The following MRPL3 variants were observed in gnomAD, a reference collection of about 807,000 sequenced individuals.
MRPL3 encodes the protein large ribosomal subunit protein uL3m.
A neutral mutation model predicts 44.3 loss-of-function variants in MRPL3; 43 were observed. The observed-to-expected ratio is 0.97, with a 90% CI of 0.76 to 1.25. The LOEUF is 1.25. Ranked by LOEUF, MRPL3 falls within the 50% of genes most tolerant of loss-of-function variation. The probability of loss-of-function intolerance (pLI) is 0.00; values close to 1 mark genes in which losing one functional copy is unlikely to be tolerated. For synonymous variants in MRPL3, 171 were observed against 152.3 expected (o/e 1.12, Z -0.91); for missense variants, 406 against 427.6 (o/e 0.95, Z 0.45).
intron 1 of MRPL3, 97 bp from the exon 2 acceptor site, chr3:131,501,812 G>C (rs1458451374): frequency 6.3e-6 from 10 of 1,598,976 alleles, no homozygotes; most frequent in African/African-American, 1.3e-5. Context: ...AGTGTAGTCA[G>C]GGCCTTGGGA....
intron 9 of MRPL3, among the ~76,000 whole-genome samples, chr3:131,467,147 T>A (rs752665095): frequency 2.0e-4 from 31 of 152,246 alleles, no homozygotes; most frequent in Non-Finnish European, 3.4e-4. Flanking sequence ...TTTATCCATG[T>A]CACCACAAAC....
At chr3:131,492,362 T>C (rs1466789519) in intron 4 of MRPL3, among the ~76,000 whole-genome samples, 2 of 152,180 alleles carry the variant, frequency 1.3e-5, no homozygotes, top group Non-Finnish European at 2.9e-5. Flanking sequence ...ATGTCAGCAG[T>C]ACCCAACCTT....
chr3:131,481,819 C>T (rs79144060), intron 6 of MRPL3, among the ~76,000 whole-genome samples: 5,889 of 152,242 alleles, frequency 0.039, 386 homozygotes, highest in African/African-American at 0.13. Context: ...TAAAAACGTA[C>T]TGCTTTGAAT....
At chr3:131,479,600 C>T (rs1223211969) in intron 6 of MRPL3, among the ~76,000 whole-genome samples, 2 of 152,186 alleles carry the variant, frequency 1.3e-5, no homozygotes, top group Admixed American at 6.5e-5. Flanking sequence ...AATCCCAGTA[C>T]TTTGGGAGGC....
intron 9 of MRPL3, among the ~76,000 whole-genome samples, chr3:131,465,427 T>C (rs574699223): frequency 6.6e-6 from 1 of 152,312 alleles, no homozygotes; most frequent in East Asian, 1.9e-4. Context: ...TAATTGACCA[T>C]TCATCTCTGC....
intron 6 of MRPL3, among the ~76,000 whole-genome samples, chr3:131,483,018 G>A (rs1934027121): frequency 7.0e-6 from 1 of 142,472 alleles, no homozygotes; most frequent in African/African-American, 2.6e-5. Flanking sequence ...GTTATAATAA[G>A]CACCACCAGA....
At chr3:131,466,996 C>T (rs1283195352) in intron 9 of MRPL3, among the ~76,000 whole-genome samples, 1 of 152,092 alleles carries the variant, frequency 6.6e-6, no homozygotes, top group Non-Finnish European at 1.5e-5. Flanking sequence ...CTCCTCCCCA[C>T]TATTTTCCCC....
At position 131,468,114 on chromosome 3, in the gene MRPL3, C is replaced by T; in HGVS notation, c.871G>A (p.Gly291Arg). 1 of 1,584,300 alleles carries T rather than the reference C, an allele frequency of 6.3e-7. No individual in the cohort carries two copies. Among genetic ancestry groups the T allele is most frequent in the Non-Finnish European group, 8.6e-7 (1 of 1,168,390 alleles). ...ACCTTTACTAAGCAATTTTTATGTC[C>T]AGGTACAGAGCCATTTACATAGATT... ...NIIYVNGSVP[G>R]HKNCLVKVKD... is the part of the protein sequence containing the mutation. The change falls in exon 9 of 10, where the codon GGA (glycine) becomes AGA (arginine). Residue 291 changes from glycine to arginine, a missense_variant. Physicochemically the swap from Gly to Arg is moderately radical, Grantham distance 125 (BLOSUM62 -2). Transcript: ENST00000264995.
chr3:131,468,877 T>C (rs868646606), intron 8 of MRPL3, among the ~76,000 whole-genome samples: 1 of 152,060 alleles, frequency 6.6e-6, no homozygotes, highest in Admixed American at 6.6e-5. Context: ...ATAAAAGGTA[T>C]GCAGAATAGA....
intron 6 of MRPL3, among the ~76,000 whole-genome samples, chr3:131,472,095 T>C (rs1250915786): frequency 2.0e-5 from 3 of 152,140 alleles, no homozygotes; most frequent in Non-Finnish European, 4.4e-5. Context: ...GCACAGAAAC[T>C]GAGGTAATAA....
rs1934218484 is a variant in MRPL3 at position 131,490,019 on chromosome 3, T to G, written c.530A>C (p.Lys177Thr). 1 of 1,611,850 alleles carries G rather than the reference T, an allele frequency of 6.2e-7. No individual in the cohort carries two copies. Among genetic ancestry groups the G allele is most frequent in the Non-Finnish European group, 8.5e-7 (1 of 1,178,426 alleles). Reference sequence around the variant, plus strand: ...AGCATTATCTGTTATATTAAAGATTTTAACTGTCTGTTTCGGCGGCAATCC... The same window carrying G: ...AGCATTATCTGTTATATTAAAGATTGTAACTGTCTGTTTCGGCGGCAATCC... ...ELGLPPKQTV[K>T]IFNITDNAAI... Residue 177 changes from lysine (K) to threonine (T), a missense_variant, in exon 5 of 10, where the codon AAA (lysine) becomes ACA (threonine). Lys to Thr is a moderately conservative substitution (Grantham distance 78, BLOSUM62 -1). Coordinates refer to ENST00000264995, the MANE Select transcript of MRPL3 (RefSeq NM_007208.4).
Position 131,479,562 on chromosome 3 carries a change from G to C in MRPL3, c.629+8118C>G, listed in dbSNP as rs185206352. On this transcript the variant is annotated intron_variant, in intron 6 of 9. Coordinates refer to ENST00000264995, the MANE Select transcript of MRPL3 (RefSeq NM_007208.4). The stretch of plus-strand genomic sequence containing the variant: ...AACAGATTAGAATTAAGATGAAATC[G>C]GGCCGGGCATGGTGGCTCACGGCCT... Among the ~76,000 whole-genome samples, 264 of 152,216 alleles carry C rather than the reference G, an allele frequency of 1.7e-3. 1 individual carries two copies. The highest frequency in any genetic ancestry group is 0.01 in the Middle Eastern group (3 of 294).
At chr3:131,494,571 A>G (rs1413868125) in intron 4 of MRPL3, among the ~76,000 whole-genome samples, 1 of 152,144 alleles carries the variant, frequency 6.6e-6, no homozygotes, top group Admixed American at 6.5e-5. Context: ...TACTATTCTA[A>G]TAATACAAAA....
chr3:131,496,240 A>C (rs1190631116), intron 4 of MRPL3, among the ~76,000 whole-genome samples: 1 of 152,218 alleles, frequency 6.6e-6, no homozygotes, highest in African/African-American at 2.4e-5. Context: ...GTACATAATA[A>C]ATTTTTAAAA....
At chr3:131,478,852 C>G (rs554569823) in intron 6 of MRPL3, among the ~76,000 whole-genome samples, 1 of 151,564 alleles carries the variant, frequency 6.6e-6, no homozygotes, top group Admixed American at 6.6e-5. Flanking sequence ...CCTGCAACCA[C>G]GGCTAATTTT....
Position 131,502,877 on chromosome 3 carries a change from T to G in MRPL3, c.-56A>C. The G allele has an allele frequency of 6.5e-7, 1 of 1,526,826 alleles. No homozygotes were observed. Among genetic ancestry groups the G allele is most frequent in the Non-Finnish European group, 9.0e-7 (1 of 1,110,282 alleles). The allele number at this position is 1,526,826 out of a possible 1,614,324, so 94.6% of individuals were successfully genotyped here. ...TTCCGGGCGCCCTGCCGCTCTGCTT[T>G]CAGGGAGTCCCCACGCCACCGCCAC... On this transcript the variant is annotated 5_prime_UTR_variant, in exon 1 of 10. Transcript: ENST00000264995.
intron 6 of MRPL3, chr3:131,487,313 G>C (rs1334494988): frequency 1.1e-5 from 2 of 185,368 alleles, no homozygotes; most frequent in Non-Finnish European, 2.2e-5. Context: ...GTGAGGGGCT[G>C]GGGGAGGGAT....
In MRPL3 at chr3:131,502,798, C is replaced by A; in HGVS notation, c.24G>T (p.Thr8=). The A allele has an allele frequency of 6.2e-7, 1 of 1,612,380 alleles. No homozygotes were observed. Among genetic ancestry groups the A allele is most frequent in the Non-Finnish European group, 8.5e-7 (1 of 1,179,422 alleles). The change falls in exon 1 of 10, where the codon ACG becomes ACT. Residue 8 remains threonine (T), a synonymous_variant. Coordinates refer to ENST00000264995, the MANE Select transcript of MRPL3 (RefSeq NM_007208.4). ...GACCCAGCACCTGGGCGCCGACCTG[C>A]GTCAGCAGCCTCCAACCCGGCATGG... MPGWRLL[T]QVGAQVLGRL... is the part of the protein sequence containing the mutation.
At chr3:131,481,395 T>C (rs1054532196) in intron 6 of MRPL3, among the ~76,000 whole-genome samples, 4 of 152,240 alleles carry the variant, frequency 2.6e-5, no homozygotes, top group African/African-American at 9.6e-5. Context: ...TGAGCATTTA[T>C]TATGTGCCAG....
Sources: allele counts gnomAD v4.1 joint callset (sites outside exome capture counted in the v4.1 genomes callset), GRCh38; gene constraint gnomAD v4.1.1; transcripts MANE v1.5; gene names NCBI Gene and HGNC (gene_info 2026-07-23, HGNC 2026-07-21).